Variants in SLCO2A1 observed in about 807,000 individuals in gnomAD.
SLCO2A1 encodes the protein matrin F/G 1.
In SLCO2A1, 60 loss-of-function variants were observed where a neutral mutation model predicts 71.7. That is an observed-to-expected ratio of 0.84 (90% CI 0.68 to 1.04). The LOEUF is 1.04. SLCO2A1 is among the 50% of genes least tolerant of loss of function. SLCO2A1 has a pLI of 0.00. For synonymous variants in SLCO2A1, 308 were observed against 326.7 expected (o/e 0.94, Z 0.62); for missense variants, 745 against 813.4 (o/e 0.92, Z 1.02).
intron 2 of SLCO2A1, among the ~76,000 whole-genome samples, chr3:133,976,921 AC>A (rs1934472516): frequency 6.6e-6 from 1 of 152,110 alleles, no homozygotes; most frequent in African/African-American, 2.4e-5. Flanking sequence ...CTGGCCTTTT[AC>A]GCCCAGCCTG....
chr3:134,011,261 G>T (rs903107563), intron 1 of SLCO2A1, among the ~76,000 whole-genome samples: 1 of 152,286 alleles, frequency 6.6e-6, no homozygotes, highest in African/African-American at 2.4e-5. Context: ...ATATTGGCTA[G>T]GCTGGTCTTG....
At chr3:133,956,338 C>T (rs1478300475) in intron 3 of SLCO2A1, among the ~76,000 whole-genome samples, 1 of 152,166 alleles carries the variant, frequency 6.6e-6, no homozygotes, top group African/African-American at 2.4e-5. Flanking sequence ...GGGGTCTGTG[C>T]TCTTCATTGC....
At position 133,952,697 on chromosome 3, in the gene SLCO2A1, T is replaced by C. The variant is rs1933775279; in HGVS notation, c.724+966A>G. Among the ~76,000 whole-genome samples, 5 of 152,240 alleles carry C rather than the reference T, an allele frequency of 3.3e-5. No homozygotes were observed. The South Asian group carries it at 1.0e-3, about 32-fold the overall frequency. ...CTCATCCATACCACTTGTTGAAGAATACGAACTCATACTGTTGACTTCTTA... is the reference window on the plus strand; with the variant it reads ...CTCATCCATACCACTTGTTGAAGAACACGAACTCATACTGTTGACTTCTTA... On this transcript the variant is annotated intron_variant, in intron 5 of 13. Transcript: ENST00000310926.
At chr3:134,024,988 T>A (rs1030248238) in intron 1 of SLCO2A1, among the ~76,000 whole-genome samples, 5 of 151,860 alleles carry the variant, frequency 3.3e-5, no homozygotes, top group African/African-American at 1.2e-4. Context: ...CAGTAGACTG[T>A]GAGCAGTATG....
At chr3:133,939,800 C>T (rs1300108378) in intron 11 of SLCO2A1, among the ~76,000 whole-genome samples, 3 of 152,100 alleles carry the variant, frequency 2.0e-5, no homozygotes, top group Non-Finnish European at 4.4e-5. Flanking sequence ...ATCTTGGGCC[C>T]CTTCTAGTCT....
At chr3:133,946,053 A>G (rs1425464846) in intron 9 of SLCO2A1, among the ~76,000 whole-genome samples, 1 of 152,160 alleles carries the variant, frequency 6.6e-6, no homozygotes, top group Non-Finnish European at 1.5e-5. Context: ...GGACAAAGCC[A>G]TGTGCTAAAC....
chr3:134,029,579 C>A, intron 1 of SLCO2A1, 128 bp downstream of exon 1: 1 of 652,586 alleles, frequency 1.5e-6, no homozygotes, highest in Non-Finnish European at 2.5e-6. Flanking sequence ...GGGATGAGAT[C>A]GGAGCGCGGC....
rs76250205 is a variant in SLCO2A1, at chr3:133,988,876, T to C, written c.97-9258A>G. On this transcript the variant is annotated intron_variant, in intron 1 of 13. Transcript: ENST00000310926. The stretch of plus-strand genomic sequence containing the variant: ...GGAGACAAGGAACTTAAGGCCGGTT[T>C]GTGCTAACTTCCTAAAAGAGAAAAC... 3.9e-3 allele frequency among the ~76,000 whole-genome samples: 593 copies of C among 152,358 alleles called. 7 individuals carry two copies. Among genetic ancestry groups the C allele is most frequent in the African/African-American group, 0.014 (575 of 41,584 alleles).
At chr3:134,026,545 A>G (rs1370858427) in intron 1 of SLCO2A1, among the ~76,000 whole-genome samples, 2 of 152,146 alleles carry the variant, frequency 1.3e-5, no homozygotes, top group Admixed American at 1.3e-4. Context: ...TGGCCCCCTG[A>G]GAAAATCATA....
intron 3 of SLCO2A1, among the ~76,000 whole-genome samples, chr3:133,963,016 C>T (rs745838235): frequency 6.6e-6 from 1 of 152,160 alleles, no homozygotes; most frequent in Non-Finnish European, 1.5e-5. Flanking sequence ...TCCCATAGAA[C>T]ACCAGAGGGC....
chr3:133,962,043 T>G (rs571598040), intron 3 of SLCO2A1, among the ~76,000 whole-genome samples: 1 of 152,332 alleles, frequency 6.6e-6, no homozygotes, highest in South Asian at 2.1e-4. Flanking sequence ...TAGCTCACTC[T>G]GGTCAGAATA....
At chr3:133,969,184 C>G (rs1160955718) in intron 3 of SLCO2A1, among the ~76,000 whole-genome samples, 2 of 152,164 alleles carry the variant, frequency 1.3e-5, no homozygotes, top group East Asian at 1.9e-4. Flanking sequence ...ATAATCCCAG[C>G]ACTTTGGGAG....
At chr3:134,019,815 C>T (rs1935531530) in intron 1 of SLCO2A1, among the ~76,000 whole-genome samples, 2 of 152,092 alleles carry the variant, frequency 1.3e-5, no homozygotes, top group Non-Finnish European at 2.9e-5. Context: ...TTAGTCTGTC[C>T]AGCAACAAGG....
Position 133,953,655 on chromosome 3 carries a change from A to T in SLCO2A1, c.724+8T>A, listed in dbSNP as rs751384882. ...GGATGGGAATGGGTGTCCTCTGCAC[A>T]TACTCACCTGTGTTGACCCTGCCAT... On this transcript the variant is annotated splice_region_variant and intron_variant, in intron 5 of 13. Transcript: ENST00000310926. The T allele has an allele frequency of 5.0e-6, 8 of 1,611,798 alleles. No individual in the cohort carries two copies. Among genetic ancestry groups the T allele is most frequent in the African/African-American group, 4.0e-5 (3 of 74,874 alleles).
rs1196427812 is a variant in SLCO2A1, at chr3:133,994,075, TG to T, written c.97-14458del. The stretch of plus-strand genomic sequence containing the variant: ...GCTGGGTGGTGGCTGCAGGGAAGCA[TG>T]GGGGGCATTTATTTTCTTCCCATCA... On this transcript the variant is annotated intron_variant, in intron 1 of 13. Coordinates refer to ENST00000310926, the MANE Select transcript of SLCO2A1 (RefSeq NM_005630.3). 2.0e-5 allele frequency among the ~76,000 whole-genome samples: 3 copies of T among 152,066 alleles called. No homozygotes were observed. In the East Asian group the frequency reaches 5.8e-4, roughly 29 times the overall value.
intron 12 of SLCO2A1, among the ~76,000 whole-genome samples, 195 bp downstream of exon 12, chr3:133,938,234 G>T (rs1933322691): frequency 6.6e-6 from 1 of 152,184 alleles, no homozygotes; most frequent in Non-Finnish European, 1.5e-5. Context: ...GAATGCCATA[G>T]ATGGAGTCTT....
At chr3:133,943,880 G>A (rs570247329) in intron 10 of SLCO2A1, among the ~76,000 whole-genome samples, 1 of 152,360 alleles carries the variant, frequency 6.6e-6, no homozygotes, top group Admixed American at 6.5e-5. Context: ...AGGTTGGTAA[G>A]TAGGCACTAG....
At chr3:133,944,822 G>A (rs1933521499) in intron 10 of SLCO2A1, among the ~76,000 whole-genome samples, 1 of 152,232 alleles carries the variant, frequency 6.6e-6, no homozygotes, top group Non-Finnish European at 1.5e-5. Context: ...GCTTTGACTG[G>A]TTTCTGCTCT....
chr3:133,951,302 G>T lies in SLCO2A1; in HGVS notation c.767C>A (p.Ala256Asp). 6.2e-7 allele frequency: 1 copy of T among 1,614,158 alleles called. No homozygotes were observed. ...LVPGDPRWIG[A>D]WWLGLLISSA... ...AGAAATGAGCAGGCCTAGCCACCAG[G>T]CTCCAATCCATCGGGGGTCACCCGG... The change falls in exon 6 of 14, where the codon GCC (alanine) becomes GAC (aspartate). Residue 256 changes from alanine (A) to aspartate (D), a missense_variant. Transcript: ENST00000310926.
Sources: gnomAD v4.1 joint callset for allele counts (sites outside exome capture counted in the v4.1 genomes callset) on GRCh38, gnomAD v4.1.1 for gene constraint, MANE v1.5 for transcripts, NCBI Gene and HGNC (gene_info 2026-07-23, HGNC 2026-07-21) for gene names.